The following PCLO variants were observed in gnomAD, a reference collection of about 807,000 sequenced individuals.
PCLO encodes the protein protein piccolo.
A neutral mutation model predicts 427.5 loss-of-function variants in PCLO; 82 were observed. The observed-to-expected ratio is 0.19, with a 90% confidence interval of 0.16 to 0.23. The LOEUF is 0.23. Ranked by LOEUF, PCLO falls within the 10% of genes least tolerant of loss-of-function variation. The pLI, the probability that PCLO is intolerant of heterozygous loss-of-function variation, is 1.00. For missense variants in PCLO, 6,239 were observed against 6,115.9 expected (o/e 1.02, Z -0.67); for synonymous variants, 2,357 against 2,155.4 (o/e 1.09, Z -2.59).
In PCLO at chr7:82,908,919, T is replaced by C. The variant is rs1461559047; in HGVS notation, c.13395A>G (p.Glu4465=). The change falls in exon 8 of 25, where the codon GAA becomes GAG. Residue 4465 remains glutamate (E), a synonymous_variant. Coordinates refer to ENST00000333891, the MANE Select transcript of PCLO (RefSeq NM_033026.6). ...NGHGLDRKLP[E]RLVHSRPLSQ... Reference sequence around the variant, plus strand: ...TGAGTGGTCTAGAGTGGACCAATCTTTCCGGCAGTTTTCGGTCCAGACCAT... The same window carrying C: ...TGAGTGGTCTAGAGTGGACCAATCTCTCCGGCAGTTTTCGGTCCAGACCAT... 1.2e-6 allele frequency: 2 copies of C among 1,612,972 alleles called. No individual in the cohort carries two copies. The highest frequency in any genetic ancestry group is 2.2e-5 in the South Asian group (2 of 91,060).
intron 3 of PCLO, among the ~76,000 whole-genome samples, chr7:83,045,252 C>A (rs953285254): frequency 1.3e-5 from 2 of 151,990 alleles, no homozygotes; most frequent in Non-Finnish European, 2.9e-5. Flanking sequence ...GAGCAGCACT[C>A]CAGAAAAGGA....
rs755188665 is a variant in PCLO, at chr7:82,760,723, T to C, written c.15204A>G (p.Lys5068=). The change falls in exon 24 of 25, where the codon AAA becomes AAG. Residue 5068 remains lysine (K), a synonymous_variant. Transcript: ENST00000333891. ...ISTQKKVIKK[K]TRVCRHDREP... ...CTCGATCATGTCTGCATACTCTTGTTTTTTTCTTGATCACCTTTTTTTGGG... is the reference window on the plus strand; with the variant it reads ...CTCGATCATGTCTGCATACTCTTGTCTTTTTCTTGATCACCTTTTTTTGGG... 8 of 1,581,834 alleles carry C rather than the reference T, an allele frequency of 5.1e-6. No individual in the cohort carries two copies. The highest frequency in any genetic ancestry group is 6.9e-6 in the Non-Finnish European group (8 of 1,153,794).
chr7:83,050,275 A>ATTT (rs1562939056), intron 3 of PCLO, among the ~76,000 whole-genome samples: 2,202 of 80,956 alleles, frequency 0.027, 107 homozygotes, highest in African/African-American at 0.094. Flanking sequence ...GCTTTTTAAA[A>ATTT]AAAAAAAAAA....
intron 14 of PCLO, among the ~76,000 whole-genome samples, chr7:82,840,594 GACA>G (rs901442406): frequency 1.3e-5 from 2 of 151,862 alleles, no homozygotes; most frequent in African/African-American, 4.8e-5. Context: ...ATTACTCTCG[GACA>G]ACAATACCTT....
chr7:82,954,593 G>T lies in PCLO; in HGVS notation c.6360C>A (p.Thr2120=). 1 of 1,613,890 alleles carries T rather than the reference G, an allele frequency of 6.2e-7. No homozygotes were observed. The highest frequency in any genetic ancestry group is 8.5e-7 in the Non-Finnish European group (1 of 1,179,852). ...VLSGASLTDS[T]SSATLSIPDV... ...CTGGGATAGAGAGTGTTGCACTGCT[G>T]GTCGAATCTGTAAGAGACGCTCCTG... is the stretch of plus-strand genomic sequence containing the variant. Residue 2120 remains threonine (T), a synonymous_variant, in exon 5 of 25, where the codon ACC becomes ACA. Transcript: ENST00000333891.
intron 4 of PCLO, among the ~76,000 whole-genome samples, chr7:82,964,438 A>G (rs1795719812): frequency 6.6e-6 from 1 of 152,136 alleles, no homozygotes; most frequent in African/African-American, 2.4e-5. Flanking sequence ...CTGACACTCA[A>G]AAGAGGGACA....
rs536007416 is a variant in PCLO, at chr7:83,080,164, T to C, written c.3300+54086A>G. On this transcript the variant is annotated intron_variant, in intron 3 of 24. Coordinates refer to ENST00000333891, the MANE Select transcript of PCLO (RefSeq NM_033026.6). Reference sequence around the variant, plus strand: ...GATTCCTTGTCTTTGCTACTGTGAATAGTGCTGCAATGAACATACGCATGC... The same window carrying C: ...GATTCCTTGTCTTTGCTACTGTGAACAGTGCTGCAATGAACATACGCATGC... 4.6e-5 allele frequency among the ~76,000 whole-genome samples: 7 copies of C among 152,332 alleles called. No individual in the cohort carries two copies. In the East Asian group the frequency reaches 1.4e-3, roughly 29 times the overall value.
intron 20 of PCLO, chr7:82,821,595 A>C (rs2115638011): frequency 1.0e-6 from 1 of 969,110 alleles, no homozygotes; most frequent in East Asian, 1.1e-4. Context: ...TTTTTATATA[A>C]TTATATCAAT....
intron 3 of PCLO, among the ~76,000 whole-genome samples, chr7:83,090,428 G>A (rs1036375421): frequency 2.6e-5 from 4 of 152,126 alleles, no homozygotes; most frequent in Admixed American, 6.5e-5. Context: ...TTACTAGAAC[G>A]TTGCATTCCA....
In PCLO at chr7:82,915,361, T is replaced by G. The variant is rs1794423100; in HGVS notation, c.12625A>C (p.Ser4209Arg). The G allele has an allele frequency of 1.2e-6, 2 of 1,613,448 alleles. No individual in the cohort carries two copies. Among genetic ancestry groups the G allele is most frequent in the South Asian group, 2.2e-5 (2 of 91,078 alleles). Residue 4209 changes from serine (S) to arginine (R), a missense_variant, in exon 7 of 25, where the codon AGT becomes CGT. Coordinates refer to ENST00000333891, the MANE Select transcript of PCLO (RefSeq NM_033026.6). ...GAATAATCAGGTTCAAGGTCTCTAC[T>G]TTCTTGAATAGGTGAAAATTTTGAC... ...KMSKFSPIQE[S>R]RDLEPDYSSY...
intron 9 of PCLO, among the ~76,000 whole-genome samples, chr7:82,891,584 T>A (rs886527863): frequency 7.2e-5 from 11 of 151,968 alleles, no homozygotes; most frequent in Admixed American, 7.2e-4. Flanking sequence ...TGAATAGGAG[T>A]GGTGACAGAG....
chr7:83,145,601 A>T (rs764606631), intron 2 of PCLO, among the ~76,000 whole-genome samples: 21 of 152,118 alleles, frequency 1.4e-4, no homozygotes, highest in Non-Finnish European at 2.9e-4. Flanking sequence ...TCTTAACCCC[A>T]GTTTTCTTAT....
intron 3 of PCLO, among the ~76,000 whole-genome samples, chr7:83,045,267 A>T (rs1789076198): frequency 6.6e-6 from 1 of 152,138 alleles, no homozygotes; most frequent in African/African-American, 2.4e-5. Context: ...AAAGGAAAAG[A>T]GAAAAGGGGT....
intron 13 of PCLO, among the ~76,000 whole-genome samples, chr7:82,842,455 G>A (rs1017500656): frequency 1.3e-5 from 2 of 151,924 alleles, no homozygotes; most frequent in Admixed American, 6.6e-5. Context: ...GAAACATAAG[G>A]GAAAAGCTCT....
At chr7:82,812,951 A>G (rs1791603099) in intron 20 of PCLO, among the ~76,000 whole-genome samples, 2 of 151,642 alleles carry the variant, frequency 1.3e-5, no homozygotes, top group African/African-American at 4.8e-5. Context: ...CTACTGTAAA[A>G]CATGCAGGTT....
rs200639483 is a variant in PCLO at position 82,880,747 on chromosome 7, CCT to C, written c.13529-1287_13529-1286del. ...GTCAACAGAGCCAAGGTTGAAAACC[CCT>C]GTTTTAATGAAAGCAATGCATGTTA... On this transcript the variant is annotated intron_variant, in intron 9 of 24. Coordinates refer to ENST00000333891, the MANE Select transcript of PCLO (RefSeq NM_033026.6). Among the ~76,000 whole-genome samples the C allele has an allele frequency of 3.0e-3, 459 of 152,230 alleles. 3 individuals are homozygous for C. Among genetic ancestry groups the C allele is most frequent in the African/African-American group, 0.011 (450 of 41,544 alleles).
rs563183866 is a variant in PCLO at position 82,840,602 on chromosome 7, T to C, written c.14097+857A>G. Among the ~76,000 whole-genome samples, 117 of 152,146 alleles carry C rather than the reference T, an allele frequency of 7.7e-4. 1 individual carries two copies. Among genetic ancestry groups the C allele is most frequent in the African/African-American group, 2.7e-3 (113 of 41,546 alleles). ...TTCAACCATTACTCTCGGACAACAA[T>C]ACCTTTAATTGTACTCTTTCTTCTC... On this transcript the variant is annotated intron_variant, in intron 14 of 24. Transcript: ENST00000333891.
chr7:82,824,429 G>T lies in PCLO; in HGVS notation c.14416-13C>A. On this transcript the variant is annotated splice_polypyrimidine_tract_variant and intron_variant, in intron 18 of 24. Transcript: ENST00000333891. ...AATCAATCAATACCTGAAAAAAAGT[G>T]TAACAAATAAATGAAATTTAGGGAC... is the stretch of plus-strand genomic sequence containing the variant. 1 of 1,533,308 alleles carries T rather than the reference G, an allele frequency of 6.5e-7. No homozygotes were observed. Among genetic ancestry groups the T allele is most frequent in the East Asian group, 2.3e-5 (1 of 43,550 alleles). 95.0% of individuals were successfully genotyped at this position (1,533,308 alleles called of 1,614,324 possible).
intron 6 of PCLO, among the ~76,000 whole-genome samples, chr7:82,932,114 C>T (rs1201424951): frequency 6.6e-6 from 1 of 152,070 alleles, no homozygotes; most frequent in Non-Finnish European, 1.5e-5. Flanking sequence ...GCAGAGTAGA[C>T]AATGAGAAAG....
Sources: gnomAD v4.1 joint callset for allele counts (sites outside exome capture counted in the v4.1 genomes callset) on GRCh38, gnomAD v4.1.1 for gene constraint, MANE v1.5 for transcripts, NCBI Gene and HGNC (gene_info 2026-07-23, HGNC 2026-07-21) for gene names.